The following MYO15A variants were observed in gnomAD, a reference collection of about 807,000 sequenced individuals.
The protein encoded by MYO15A is unconventional myosin-XV.
MYO15A carries 308 observed loss-of-function variants against 394.6 expected under a neutral mutation model. That is an observed-to-expected ratio of 0.78 (90% CI 0.71 to 0.86). The LOEUF is 0.86. Ranked by LOEUF, MYO15A falls within the 40% of genes least tolerant of loss-of-function variation. The probability of loss-of-function intolerance (pLI) is 0.00; values close to 1 mark genes in which losing one functional copy is unlikely to be tolerated. For synonymous variants in MYO15A, 1,957 were observed against 2,003.8 expected (o/e 0.98, Z 0.62); for missense variants, 4,606 against 4,799.1 (o/e 0.96, Z 1.19).
At chr17:18,110,677 C>T (rs1337245010) in intron 1 of MYO15A, among the ~76,000 whole-genome samples, 1 of 152,168 alleles carries the variant, frequency 6.6e-6, no homozygotes, top group Non-Finnish European at 1.5e-5. Context: ...CATTTAGTAC[C>T]AAGCCTGGCA....
At position 18,119,625 on chromosome 17, in the gene MYO15A, C is replaced by G. The variant is rs376641289; in HGVS notation, c.825C>G (p.Gly275=). ...ACAGCCCGGCCTGGCCACCCTACGG[C>G]GACCACTACTACGGGTACCCGCCCG... The part of the protein sequence containing the change: ...GPYSPAWPPY[G]DHYYGYPPED... Residue 275 remains glycine, a synonymous_variant, in exon 2 of 66, where the codon GGC becomes GGG. Transcript: ENST00000647165. The G allele has an allele frequency of 6.2e-7, 1 of 1,603,122 alleles. No homozygotes were observed. The highest frequency in any genetic ancestry group is 2.2e-5 in the East Asian group (1 of 44,872).
At position 18,149,105 on chromosome 17, in the gene MYO15A, G is replaced by C. The variant is rs866658946; in HGVS notation, c.6957-111G>C. 3 of 1,507,380 alleles carry C rather than the reference G, an allele frequency of 2.0e-6. No homozygotes were observed. In the African/African-American group the frequency reaches 4.2e-5, roughly 21 times the overall value. The allele number at this position is 1,507,380 out of a possible 1,614,324, so 93.4% of individuals were successfully genotyped here. A position where few individuals can be genotyped will look rare whatever the true frequency, so the allele number is the denominator to read the frequency against. On this transcript the variant is annotated intron_variant, in intron 33 of 65. Transcript: ENST00000647165. ...CTTAAGGAGGTAGAGTTCACCAAAG[G>C]ATCCTGCTTTTAAATGGAGAAAGCC... is the stretch of plus-strand genomic sequence containing the variant.
At chr17:18,118,525 A>G in intron 1 of MYO15A, 57 bp from the exon 2 acceptor site, 1 of 515,754 alleles carries the variant, frequency 1.9e-6, no homozygotes, top group South Asian at 2.1e-5. Context: ...CAGGCCTCAT[A>G]GGCAGGCTTC....
At chr17:18,159,467 T>A in intron 54 of MYO15A, 120 bp downstream of exon 54, 1 of 1,479,516 alleles carries the variant, frequency 6.8e-7, no homozygotes, top group South Asian at 1.1e-5. Context: ...AGCTCAGACA[T>A]GGAACACATT....
chr17:18,111,341 G>GAAAAAAAAAAAAAAAAAAAAAA (rs57095827), intron 1 of MYO15A, among the ~76,000 whole-genome samples: 1 of 118,950 alleles, frequency 8.4e-6, no homozygotes. Context: ...TCTCAAAAGA[G>GAAAAAAAAAAAAAAAAAAAAAA]AAAAAAAAAA....
chr17:18,154,908 G>A (rs2046648730), intron 45 of MYO15A, among the ~76,000 whole-genome samples, 153 bp downstream of exon 45: 2 of 152,222 alleles, frequency 1.3e-5, no homozygotes, highest in African/African-American at 2.4e-5. Context: ...TCGCATGGCC[G>A]GGCTGCATGT....
chr17:18,121,980 C>A lies in MYO15A; in HGVS notation c.3180C>A (p.Ser1060Arg). The A allele has an allele frequency of 6.2e-7, 1 of 1,613,318 alleles. No individual in the cohort carries two copies. The highest frequency in any genetic ancestry group is 8.5e-7 in the Non-Finnish European group (1 of 1,180,014). Residue 1060 changes from serine to arginine, a missense_variant, in exon 2 of 66, where the codon AGC (serine) becomes AGA (arginine). Physicochemically the swap from Ser to Arg is moderately radical, Grantham distance 110. Around this residue, in one of 2 missense-constraint regions of MYO15A, gnomAD observed 1,830 missense variants for 1,689.7 expected, o/e 1.08. Transcript: ENST00000647165. This position sits in a 1 kb window ranked among gnomAD's most constrained non-coding sequence, Gnocchi z 5.3. ...CAGAGCAAAAGACATTAAGGCCCAG[C>A]CTCTCATACCCACTGGCTGCGTGTG... is the stretch of plus-strand genomic sequence containing the variant. The part of the protein sequence containing the change: ...VLPEQKTLRP[S>R]LSYPLAACDQ...
intron 12 of MYO15A, among the ~76,000 whole-genome samples, chr17:18,134,277 C>A (rs948865565): frequency 6.6e-6 from 1 of 152,176 alleles, no homozygotes; most frequent in East Asian, 1.9e-4. Flanking sequence ...CGTGAGCCAC[C>A]GTGCCCCGGC....
At position 18,120,140 on chromosome 17, in the gene MYO15A, G is replaced by A. The variant is rs1189542254; in HGVS notation, c.1340G>A (p.Gly447Glu). ...EPEDAGVERQGTSFRLPSAAF... is the reference protein window; with the variant it reads ...EPEDAGVERQETSFRLPSAAF... ...GAGGACGCGGGCGTAGAGCGTCAGG[G>A]GACCTCCTTCCGCCTGCCCAGCGCC... The change falls in exon 2 of 66, where the codon GGG becomes GAG. Residue 447 changes from glycine to glutamate, a missense_variant. By Grantham distance (98) the Gly-to-Glu change is moderately conservative. This residue lies in a region of MYO15A where 1,830 missense variants were observed against 1,689.7 expected (regional missense o/e 1.08). Coordinates refer to ENST00000647165, the MANE Select transcript of MYO15A (RefSeq NM_016239.4). 1 of 1,612,960 alleles carries A rather than the reference G, an allele frequency of 6.2e-7. No homozygotes were observed. The highest frequency in any genetic ancestry group is 1.3e-5 in the African/African-American group (1 of 75,062).
rs2046281924 is a variant in MYO15A, at chr17:18,136,656, C to G, written c.4749C>G (p.Ser1583=). The part of the protein sequence containing the change: ...ALVSPRQDTL[S]IAILDIYGFE... Reference sequence around the variant, plus strand: ...TGTCCCCAAGGCAGGACACACTGTCCATCGCCATCCTGGACATCTATGGTT... The same window carrying G: ...TGTCCCCAAGGCAGGACACACTGTCGATCGCCATCCTGGACATCTATGGTT... Residue 1583 remains serine (S), a synonymous_variant, in exon 15 of 66, where the codon TCC becomes TCG. Coordinates refer to ENST00000647165, the MANE Select transcript of MYO15A (RefSeq NM_016239.4). 1 of 1,611,972 alleles carries G rather than the reference C, an allele frequency of 6.2e-7. No homozygotes were observed. Among genetic ancestry groups the G allele is most frequent in the Non-Finnish European group, 8.5e-7 (1 of 1,179,586 alleles).
chr17:18,130,415 G>C (rs1030365808), intron 7 of MYO15A, among the ~76,000 whole-genome samples: 3 of 151,874 alleles, frequency 2.0e-5, no homozygotes, highest in Non-Finnish European at 4.4e-5. Context: ...TAAGGGGTTG[G>C]GGGGTGGGGC....
chr17:18,116,262 C>G (rs889805741), intron 1 of MYO15A, among the ~76,000 whole-genome samples: 3 of 152,246 alleles, frequency 2.0e-5, no homozygotes, highest in African/African-American at 4.8e-5. Context: ...GGCCCTCCCC[C>G]TCCAGGCAGG....
chr17:18,135,411 G>A (rs1045842938), intron 12 of MYO15A, among the ~76,000 whole-genome samples: 17 of 149,934 alleles, frequency 1.1e-4, no homozygotes, highest in Admixed American at 6.6e-4. Flanking sequence ...GCACGGTTTC[G>A]GCTCGCCACA....
At chr17:18,146,761 C>T (rs2046488541) in intron 30 of MYO15A, among the ~76,000 whole-genome samples, 1 of 152,034 alleles carries the variant, frequency 6.6e-6, no homozygotes, top group African/African-American at 2.4e-5. Context: ...CTTGTCTCTG[C>T]AAAAAATTTA....
At position 18,154,207 on chromosome 17, in the gene MYO15A, C is replaced by G. The variant is rs1193389427; in HGVS notation, c.8148+17C>G. 1 of 1,613,692 alleles carries G rather than the reference C, an allele frequency of 6.2e-7. No homozygotes were observed. Among genetic ancestry groups the G allele is most frequent in the Non-Finnish European group, 8.5e-7 (1 of 1,179,860 alleles). ...TTCCGGCAGGTGAGGTCCTGTCTCCCCTTTCTGCCTCAGTGAACTCAGCAG... is the reference window on the plus strand; with the variant it reads ...TTCCGGCAGGTGAGGTCCTGTCTCCGCTTTCTGCCTCAGTGAACTCAGCAG... On this transcript the variant is annotated intron_variant, in intron 44 of 65. Coordinates refer to ENST00000647165, the MANE Select transcript of MYO15A (RefSeq NM_016239.4).
At chr17:18,142,339 C>T in intron 24 of MYO15A, 85 bp downstream of exon 24, 1 of 1,480,434 alleles carries the variant, frequency 6.8e-7, no homozygotes, top group Admixed American at 1.9e-5. Flanking sequence ...GGTGAGCTCC[C>T]TATCCCTGGA....
In MYO15A at chr17:18,122,384, T is replaced by C. The variant is rs1358012753; in HGVS notation, c.3584T>C (p.Val1195Ala). Residue 1195 changes from valine (V) to alanine (A), a missense_variant, in exon 2 of 66, where the codon GTC becomes GCC. Physicochemically the swap from Val to Ala is moderately conservative, Grantham distance 64. Around this residue, in one of 2 missense-constraint regions of MYO15A, gnomAD observed 2,776 missense variants for 3,109.3 expected, o/e 0.89. Transcript: ENST00000647165. ...CLSLRGSWEEVGPPSWRNKMH... is the reference protein window; with the variant it reads ...CLSLRGSWEEAGPPSWRNKMH... ...TCCCTTAGGGGCTCCTGGGAGGAGG[T>C]CGGCCCGCCAAGCTGGCGGAACAAG... 1.9e-6 allele frequency: 3 copies of C among 1,611,954 alleles called. No homozygotes were observed. The highest frequency in any genetic ancestry group is 3.3e-5 in the Admixed American group (2 of 59,924).
chr17:18,130,490 A>G (rs1460276612), intron 7 of MYO15A, among the ~76,000 whole-genome samples: 1 of 151,984 alleles, frequency 6.6e-6, no homozygotes, highest in African/African-American at 2.4e-5. Flanking sequence ...GGTCAGAGGC[A>G]GGAGTGGGCC....
intron 2 of MYO15A, 80 bp from the exon 3 acceptor site, chr17:18,124,403 C>T (rs1444720989): frequency 2.5e-5 from 36 of 1,462,516 alleles, no homozygotes; most frequent in Non-Finnish European, 3.8e-6. Flanking sequence ...GTAGCAGGCC[C>T]CAGGTATGAC....
Sources: allele counts gnomAD v4.1 joint callset (sites outside exome capture counted in the v4.1 genomes callset), GRCh38; gene constraint gnomAD v4.1.1; regional missense constraint gnomAD v4.1.1; non-coding constraint Gnocchi (gnomAD v3.1); transcripts MANE v1.5; gene names NCBI Gene and HGNC (gene_info 2026-07-23, HGNC 2026-07-21).